CCSER2: variants seen among roughly 807,000 people sequenced by gnomAD.
The protein encoded by CCSER2 is coiled-coil serine rich protein 2.
CCSER2 carries 46 observed loss-of-function variants against 92.3 expected under a neutral mutation model. The observed-to-expected ratio is 0.50, with a 90% CI of 0.39 to 0.64. The LOEUF (loss-of-function observed/expected upper bound fraction) is 0.64, where lower values mean the gene tolerates loss of function less well. Ranked by LOEUF, CCSER2 falls within the 30% of genes least tolerant of loss-of-function variation. The probability of loss-of-function intolerance (pLI) is 0.00; values close to 1 mark genes in which losing one functional copy is unlikely to be tolerated. For missense variants in CCSER2, 1,244 were observed against 1,238.9 expected (o/e 1.00, Z -0.06); for synonymous variants, 433 against 431.4 (o/e 1.00, Z -0.04).
rs10654679 is a variant in CCSER2, at chr10:84,439,198, C to CTTTTTT, written c.2064+498_2064+503dup. Among the ~76,000 whole-genome samples the CTTTTTT allele has an allele frequency of 3.6e-5, 5 of 139,786 alleles. 1 individual carries two copies. The highest frequency in any genetic ancestry group is 6.1e-5 in the Non-Finnish European group (4 of 65,718). The allele number at this position is 139,786 out of a possible 152,430, so 91.7% of individuals were successfully genotyped here. Reference sequence around the variant, plus strand: ...CTTCTCCTGTTTTTTTTTTTCTTTTCTTTTTTTTTTTTGAGAAAATCTAGA... The same window carrying CTTTTTT: ...CTTCTCCTGTTTTTTTTTTTCTTTTCTTTTTTTTTTTTTTTTTTGAGAAAATCTAGA... On this transcript the variant is annotated intron_variant, in intron 6 of 9. Coordinates refer to ENST00000372088, the MANE Select transcript of CCSER2 (RefSeq NM_001284240.2).
intron 5 of CCSER2, among the ~76,000 whole-genome samples, chr10:84,437,680 C>T (rs1374419673): frequency 6.7e-6 from 1 of 149,464 alleles, no homozygotes; most frequent in African/African-American, 2.5e-5. Flanking sequence ...TTGTATGAAA[C>T]TGAAGGGAAA....
At chr10:84,332,436 A>ATATATATATATATATATATATT (rs1401635246) in intron 1 of CCSER2, among the ~76,000 whole-genome samples, 1 of 55,212 alleles carries the variant, frequency 1.8e-5, no homozygotes, top group Non-Finnish European at 2.7e-5. Flanking sequence ...ATATATATAT[A>ATATATATATATATATATATATT]TTTTTTTTTT....
chr10:84,330,696 ACG>A (rs1354222378), intron 1 of CCSER2, among the ~76,000 whole-genome samples: 1 of 151,948 alleles, frequency 6.6e-6, no homozygotes, highest in Non-Finnish European at 1.5e-5. Flanking sequence ...TTTAGTAGAG[ACG>A]GGTTTCAGTA....
intron 9 of CCSER2, among the ~76,000 whole-genome samples, chr10:84,487,951 C>G (rs901548350): frequency 2.6e-5 from 4 of 152,014 alleles, no homozygotes; most frequent in African/African-American, 7.2e-5. Context: ...TAGCATGAAG[C>G]GCTGTTGAAT....
At chr10:84,474,989 G>T (rs1847051377) in intron 8 of CCSER2, among the ~76,000 whole-genome samples, 1 of 152,092 alleles carries the variant, frequency 6.6e-6, no homozygotes, top group Non-Finnish European at 1.5e-5. Context: ...CAGCTTTTTT[G>T]GAATCCTGTT....
At chr10:84,341,928 G>A (rs1844210372) in intron 1 of CCSER2, among the ~76,000 whole-genome samples, 2 of 152,212 alleles carry the variant, frequency 1.3e-5, no homozygotes, top group Non-Finnish European at 2.9e-5. Context: ...CTCTCTGGGT[G>A]TACCACTCTC....
At chr10:84,386,302 A>T (rs1841200318) in intron 3 of CCSER2, among the ~76,000 whole-genome samples, 1 of 152,266 alleles carries the variant, frequency 6.6e-6, no homozygotes. Flanking sequence ...TGTTTATCAC[A>T]ATAAATATAA....
chr10:84,505,774 G>A (rs1013308112), intron 9 of CCSER2, among the ~76,000 whole-genome samples: 15 of 152,126 alleles, frequency 9.9e-5, no homozygotes, highest in African/African-American at 3.6e-4. Context: ...TTCCACAAAC[G>A]TAGGCATGGG....
intron 8 of CCSER2, among the ~76,000 whole-genome samples, chr10:84,474,409 C>T (rs1385608714): frequency 6.6e-6 from 1 of 151,850 alleles, no homozygotes; most frequent in East Asian, 1.9e-4. Flanking sequence ...ACCTATAATC[C>T]CAGCACTTTA....
intron 3 of CCSER2, among the ~76,000 whole-genome samples, chr10:84,385,526 A>G (rs369251683): frequency 3.9e-5 from 6 of 152,338 alleles, no homozygotes; most frequent in African/African-American, 1.4e-4. Context: ...CTATTCAGTA[A>G]ATGGTGCTTG....
chr10:84,482,777 G>C (rs961216346), intron 9 of CCSER2, among the ~76,000 whole-genome samples: 1 of 152,130 alleles, frequency 6.6e-6, no homozygotes, highest in South Asian at 2.1e-4. Context: ...TACCTGACCT[G>C]TCATGTAATT....
chr10:84,499,941 C>G (rs549760156), intron 9 of CCSER2: 1 of 1,613,882 alleles, frequency 6.2e-7, no homozygotes, highest in South Asian at 1.1e-5. Flanking sequence ...ACGGACTGTT[C>G]CACCGCACCG....
intron 1 of CCSER2, among the ~76,000 whole-genome samples, chr10:84,342,855 A>G (rs577032377): frequency 1.3e-5 from 2 of 152,146 alleles, no homozygotes; most frequent in East Asian, 1.9e-4. Flanking sequence ...TTGCCTTCCA[A>G]AGCATCGTTC....
chr10:84,428,490 C>G (rs987598881), intron 5 of CCSER2, among the ~76,000 whole-genome samples: 3 of 152,158 alleles, frequency 2.0e-5, no homozygotes, highest in Admixed American at 2.0e-4. Context: ...CAGACTGGTA[C>G]TGGTCCCTGG....
chr10:84,512,701 A>T (rs1451915754), intron 9 of CCSER2, among the ~76,000 whole-genome samples: 1 of 152,134 alleles, frequency 6.6e-6, no homozygotes, highest in Non-Finnish European at 1.5e-5. Flanking sequence ...CATTTGTTTT[A>T]CTCTGAGCCA....
At chr10:84,446,863 A>C (rs1163422702) in intron 6 of CCSER2, among the ~76,000 whole-genome samples, 1 of 152,108 alleles carries the variant, frequency 6.6e-6, no homozygotes, top group Admixed American at 6.6e-5. Context: ...GTGAAATTAT[A>C]ATGTGAGTAT....
At chr10:84,389,244 C>G (rs1444579073) in intron 3 of CCSER2, 1 of 477,646 alleles carries the variant, frequency 2.1e-6, no homozygotes, top group Non-Finnish European at 4.1e-6. Context: ...GCATTGCAGC[C>G]CACAGACTAG....
At chr10:84,475,194 G>A (rs569802238) in intron 8 of CCSER2, among the ~76,000 whole-genome samples, 120 of 145,604 alleles carry the variant, frequency 8.2e-4, no homozygotes, top group Middle Eastern at 6.8e-3. Context: ...AAGCATAGAG[G>A]AATGGGATTA....
intron 5 of CCSER2, among the ~76,000 whole-genome samples, chr10:84,433,129 C>A (rs1473593469): frequency 6.6e-6 from 1 of 152,076 alleles, no homozygotes; most frequent in Non-Finnish European, 1.5e-5. Flanking sequence ...TATAGTAAGT[C>A]TTGAAGTTGA....
Sources: gnomAD v4.1 joint callset for allele counts (sites outside exome capture counted in the v4.1 genomes callset) on GRCh38, gnomAD v4.1.1 for gene constraint, MANE v1.5 for transcripts, NCBI Gene and HGNC (gene_info 2026-07-23, HGNC 2026-07-21) for gene names.